NRG1: variants seen among roughly 807,000 people sequenced by gnomAD.
NRG1 encodes neuregulin 1.
In NRG1, 18 loss-of-function variants were observed where a neutral mutation model predicts 63.8. The observed-to-expected ratio is 0.28, with a 90% CI of 0.19 to 0.42. The LOEUF (loss-of-function observed/expected upper bound fraction) is 0.42, where lower values mean the gene tolerates loss of function less well. Ranked by LOEUF, NRG1 falls within the 10% of genes least tolerant of loss-of-function variation. The pLI is 1.00. For synonymous variants in NRG1, 302 were observed against 301.3 expected, an observed-to-expected ratio of 1.00 and a Z score of -0.02; for missense variants, 762 against 814.7, an observed-to-expected ratio of 0.94 and a Z score of 0.79.
chr8:32,008,337 A>G (rs371348193), intron 1 of NRG1, among the ~76,000 whole-genome samples: 6 of 152,046 alleles, frequency 3.9e-5, no homozygotes, highest in East Asian at 1.9e-4. Flanking sequence ...TTACACATGT[A>G]TAACTATTCC....
chr8:32,582,069 C>CTATTTTATTTTATTT (rs71208197), intron 1 of NRG1, among the ~76,000 whole-genome samples: 22,664 of 145,128 alleles, frequency 0.16, 2,623 homozygotes, highest in East Asian at 0.54. Context: ...ACCATGAACT[C>CTATTTTATTTTATTT]TATTTTATTT....
intron 1 of NRG1, among the ~76,000 whole-genome samples, chr8:31,873,191 G>C (rs1490429449): frequency 6.6e-6 from 1 of 152,148 alleles, no homozygotes; most frequent in South Asian, 2.1e-4. Context: ...GATGTAGGAG[G>C]TATTCTTGTA....
chr8:32,244,115 T>G (rs1848392349), intron 1 of NRG1, among the ~76,000 whole-genome samples: 1 of 152,180 alleles, frequency 6.6e-6, no homozygotes, highest in African/African-American at 2.4e-5. Context: ...TCAAATTTAT[T>G]TGATCCTCAT....
chr8:32,603,133 T>C (rs1425978257), intron 2 of NRG1, among the ~76,000 whole-genome samples: 1 of 152,176 alleles, frequency 6.6e-6, no homozygotes. Context: ...TGGCCCTTGG[T>C]GGTCTCCCCA....
In NRG1 at chr8:31,640,430, C is replaced by T; in HGVS notation, c.37+999C>T. 1 of 1,511,568 alleles carries T rather than the reference C, an allele frequency of 6.6e-7. No homozygotes were observed. Among genetic ancestry groups the T allele is most frequent in the Non-Finnish European group, 8.9e-7 (1 of 1,129,588 alleles). The allele number at this position is 1,511,568 out of a possible 1,614,324, so 93.6% of individuals were successfully genotyped here. The stretch of plus-strand genomic sequence containing the variant: ...CCCTCTTGGCCCACCGCCCCGGTGC[C>T]CAGCGCCGGCGAGCCCGGGGAGGAG... On this transcript the variant is annotated intron_variant, in intron 1 of 10. Transcript: ENST00000519301. The surrounding 1 kb of genome is among the most constrained non-coding windows in gnomAD (Gnocchi z 6.3).
At chr8:32,011,585 C>T (rs184282723) in intron 1 of NRG1, among the ~76,000 whole-genome samples, 52 of 152,160 alleles carry the variant, frequency 3.4e-4, no homozygotes, top group African/African-American at 1.2e-3. Context: ...AAAAATTGTA[C>T]CTTGCAATCA....
chr8:32,043,844 A>C (rs922231714), intron 1 of NRG1, among the ~76,000 whole-genome samples: 1 of 151,966 alleles, frequency 6.6e-6, no homozygotes, highest in Non-Finnish European at 1.5e-5. Flanking sequence ...AATGCTAAAA[A>C]TAATCCAATA....
chr8:32,430,795 T>A (rs2129486729), intron 1 of NRG1, among the ~76,000 whole-genome samples: 1 of 152,178 alleles, frequency 6.6e-6, no homozygotes, highest in Non-Finnish European at 1.5e-5. Context: ...GGGTTTTTTT[T>A]TTTTTTTTGT....
chr8:31,841,985 C>T (rs1003218232), intron 1 of NRG1, among the ~76,000 whole-genome samples: 4 of 152,212 alleles, frequency 2.6e-5, no homozygotes, highest in African/African-American at 9.6e-5. Flanking sequence ...AGACCACTGG[C>T]TGTGCCTTCC....
intron 1 of NRG1, among the ~76,000 whole-genome samples, chr8:31,729,464 A>G (rs1016344408): frequency 5.9e-5 from 9 of 152,172 alleles, no homozygotes; most frequent in Admixed American, 5.2e-4. Context: ...AATGATTTGT[A>G]AGTTAATAAA....
intron 1 of NRG1, chr8:32,099,626 C>T (rs1222412156): frequency 2.0e-5 from 3 of 152,170 alleles, no homozygotes; most frequent in African/African-American, 7.2e-5. Flanking sequence ...AAAGATGAGA[C>T]ACTGAAACAA....
intron 4 of NRG1, among the ~76,000 whole-genome samples, chr8:32,614,988 C>A (rs964314785): frequency 6.6e-6 from 1 of 151,680 alleles, no homozygotes; most frequent in African/African-American, 2.4e-5. Flanking sequence ...AGTTGTGGAT[C>A]GCTAAACTTA....
chr8:32,297,413 G>A (rs1277196169), intron 1 of NRG1, among the ~76,000 whole-genome samples: 1 of 151,794 alleles, frequency 6.6e-6, no homozygotes, highest in African/African-American at 2.4e-5. Flanking sequence ...GCAGAGGGAT[G>A]ATGTAATGTA....
chr8:32,764,075 G>C, exon 12 of NRG1: 1 of 1,614,056 alleles, frequency 6.2e-7, no homozygotes, highest in Non-Finnish European at 8.5e-7. Flanking sequence ...AAGAGTACGA[G>C]CCAGCCCAAG....
rs530980068 is a variant in NRG1 at position 32,267,623 on chromosome 8, A to ATTC, written c.38-328204_38-328202dup. On this transcript the variant is annotated intron_variant, in intron 1 of 10. Coordinates refer to the NRG1 transcript ENST00000519301. ...CAGTCATTACCATGAGCAGTCAATA[A>ATTC]TTCCCTGAATCCCTGTTGGACAGAA... Among the ~76,000 whole-genome samples the ATTC allele has an allele frequency of 1.1e-3, 165 of 152,316 alleles. 2 individuals are homozygous for ATTC. The highest frequency in any genetic ancestry group is 3.5e-3 in the Admixed American group (53 of 15,294).
chr8:32,126,944 A>C (rs571391695), intron 1 of NRG1, among the ~76,000 whole-genome samples: 1 of 151,868 alleles, frequency 6.6e-6, no homozygotes, highest in Non-Finnish European at 1.5e-5. Context: ...CATATCTTCA[A>C]ATCCTCCACA....
intron 1 of NRG1, among the ~76,000 whole-genome samples, chr8:31,922,237 G>T (rs1333722651): frequency 6.6e-6 from 1 of 152,260 alleles, no homozygotes; most frequent in Middle Eastern, 3.4e-3. Context: ...GGCTGTGGTG[G>T]TCAATAGCAG....
At chr8:32,660,529 C>T (rs547856981) in intron 5 of NRG1, among the ~76,000 whole-genome samples, 15 of 152,216 alleles carry the variant, frequency 9.9e-5, no homozygotes, top group African/African-American at 2.9e-4. Flanking sequence ...CAAAGTCGGA[C>T]GTGATTTAAA....
chr8:32,517,129 T>C (rs932563175), intron 1 of NRG1, among the ~76,000 whole-genome samples: 1 of 152,158 alleles, frequency 6.6e-6, no homozygotes, highest in African/African-American at 2.4e-5. Flanking sequence ...TTATTTTACC[T>C]TTGTGGTTAC....
Sources: allele counts gnomAD v4.1 joint callset (sites outside exome capture counted in the v4.1 genomes callset), GRCh38; gene constraint gnomAD v4.1.1; non-coding constraint Gnocchi (gnomAD v3.1); transcripts MANE v1.5; gene names NCBI Gene and HGNC (gene_info 2026-07-23, HGNC 2026-07-21).